Variants in SCAPER observed in about 807,000 individuals in gnomAD.
SCAPER encodes the protein S-phase cyclin A associated protein in the ER.
Under a neutral mutation model 182.2 loss-of-function variants are expected in SCAPER, and 98 were observed. That is an observed-to-expected ratio of 0.54 (90% confidence interval 0.46 to 0.64). The LOEUF (loss-of-function observed/expected upper bound fraction) is 0.64, where lower values mean the gene tolerates loss of function less well. Among genes scored for constraint, SCAPER ranks in the 30% least tolerant of loss-of-function variants. The pLI, the probability that SCAPER is intolerant of heterozygous loss-of-function variation, is 0.00. For synonymous variants in SCAPER, 605 were observed against 564.6 expected, an observed-to-expected ratio of 1.07 and a Z score of -1.01; for missense variants, 1,432 against 1,690.0, an observed-to-expected ratio of 0.85 and a Z score of 2.68.
chr15:76,595,188 G>A (rs1226959093), intron 22 of SCAPER, among the ~76,000 whole-genome samples: 1 of 121,488 alleles, frequency 8.2e-6, no homozygotes, highest in African/African-American at 2.5e-5. Context: ...CCTAGTCTCT[G>A]ATAAAACAGA....
At chr15:76,579,062 C>T (rs963479943) in intron 22 of SCAPER, among the ~76,000 whole-genome samples, 3 of 151,530 alleles carry the variant, frequency 2.0e-5, no homozygotes, top group Non-Finnish European at 4.4e-5. Context: ...GACAGGAGAT[C>T]GAGACAATCC....
At chr15:76,387,039 T>C (rs2043337335) in intron 27 of SCAPER, among the ~76,000 whole-genome samples, 1 of 152,150 alleles carries the variant, frequency 6.6e-6, no homozygotes, top group African/African-American at 2.4e-5. Flanking sequence ...GAAATAATGG[T>C]ATATGAATCA....
intron 21 of SCAPER, among the ~76,000 whole-genome samples, chr15:76,652,518 T>TACATACAC (rs139738135): frequency 4.5e-5 from 4 of 88,926 alleles, no homozygotes; most frequent in African/African-American, 1.8e-4. Flanking sequence ...TTTACATACA[T>TACATACAC]ACACACACAC....
At chr15:76,670,247 C>T (rs1485364554) in intron 20 of SCAPER, among the ~76,000 whole-genome samples, 1 of 151,700 alleles carries the variant, frequency 6.6e-6, no homozygotes, top group Non-Finnish European at 1.5e-5. Flanking sequence ...TATATTCTTC[C>T]AGACATTGTT....
At chr15:76,388,654 T>C (rs1295564657) in intron 27 of SCAPER, among the ~76,000 whole-genome samples, 1 of 152,062 alleles carries the variant, frequency 6.6e-6, no homozygotes, top group Admixed American at 6.6e-5. Flanking sequence ...CAGATGTAAA[T>C]CTACTTTGAA....
chr15:76,615,383 T>C lies in SCAPER; in HGVS notation c.2711+6381A>G, dbSNP rs148494912. 3.4e-3 allele frequency among the ~76,000 whole-genome samples: 508 copies of C among 151,462 alleles called. 5 individuals are homozygous for C. Among genetic ancestry groups the C allele is most frequent in the African/African-American group, 0.011 (471 of 41,248 alleles). On this transcript the variant is annotated intron_variant, in intron 22 of 31. Transcript: ENST00000563290. Reference sequence around the variant, plus strand: ...ATCCTTTGAACCCGGGAGGCAGAGATTGCAGTGAGCTGAGATCGCGCCACT... The same window carrying C: ...ATCCTTTGAACCCGGGAGGCAGAGACTGCAGTGAGCTGAGATCGCGCCACT...
chr15:76,846,596 A>G (rs1476255327), intron 4 of SCAPER, among the ~76,000 whole-genome samples: 1 of 152,176 alleles, frequency 6.6e-6, no homozygotes, highest in African/African-American at 2.4e-5. Context: ...GGCATATGAA[A>G]AGGTGCTCAG....
At chr15:76,448,515 G>C (rs925339506) in intron 25 of SCAPER, among the ~76,000 whole-genome samples, 3 of 152,128 alleles carry the variant, frequency 2.0e-5, no homozygotes, top group African/African-American at 7.2e-5. Context: ...TGAAGATGCT[G>C]ACTTGGGACC....
At chr15:76,871,185 G>A (rs774901731) in intron 2 of SCAPER, among the ~76,000 whole-genome samples, 22 of 151,932 alleles carry the variant, frequency 1.4e-4, no homozygotes, top group Non-Finnish European at 2.2e-4. Flanking sequence ...CAAGGCGGGC[G>A]GATCATGAGG....
chr15:76,529,886 G>T (rs1273263142), intron 23 of SCAPER, among the ~76,000 whole-genome samples: 3 of 152,166 alleles, frequency 2.0e-5, no homozygotes, highest in Non-Finnish European at 4.4e-5. Context: ...GTCACTGGAG[G>T]GTACTGAGTA....
intron 24 of SCAPER, among the ~76,000 whole-genome samples, chr15:76,481,669 T>A (rs533741795): frequency 6.6e-6 from 1 of 152,326 alleles, no homozygotes; most frequent in Admixed American, 6.5e-5. Context: ...CTTTTCCTCA[T>A]CCCAATTATA....
chr15:76,689,255 C>A (rs1188725862), intron 20 of SCAPER, among the ~76,000 whole-genome samples: 1 of 151,736 alleles, frequency 6.6e-6, no homozygotes, highest in East Asian at 1.9e-4. Flanking sequence ...CAAATAAAAA[C>A]AAATTAATCA....
rs2068261065 is a variant in SCAPER at position 76,829,325 on chromosome 15, G to C, written c.393+12409C>G. Among the ~76,000 whole-genome samples the C allele has an allele frequency of 4.6e-5, 7 of 152,228 alleles. No individual in the cohort carries two copies. The South Asian group carries it at 1.2e-3, about 27-fold the overall frequency. On this transcript the variant is annotated intron_variant, in intron 5 of 31. Coordinates refer to ENST00000563290, the MANE Select transcript of SCAPER (RefSeq NM_020843.4). ...TCAGGAAAGGTGGGAGGGGACACAA[G>C]AGATAAAAGACTACATAACACTATT...
At chr15:76,612,666 T>C (rs1392504898) in intron 22 of SCAPER, among the ~76,000 whole-genome samples, 3 of 151,994 alleles carry the variant, frequency 2.0e-5, no homozygotes, top group Non-Finnish European at 4.4e-5. Context: ...TAACTCCCAT[T>C]CCATACTGCC....
chr15:76,464,096 T>C (rs566640462), intron 25 of SCAPER, among the ~76,000 whole-genome samples: 1 of 149,188 alleles, frequency 6.7e-6, no homozygotes, highest in African/African-American at 2.5e-5. Context: ...TATATGCACA[T>C]TGTTGTAAAA....
At chr15:76,552,959 T>C (rs150316936) in intron 23 of SCAPER, among the ~76,000 whole-genome samples, 1 of 152,298 alleles carries the variant, frequency 6.6e-6, no homozygotes, top group Non-Finnish European at 1.5e-5. Context: ...ACCCTCATCA[T>C]AGCTCCTTTG....
chr15:76,845,651 T>G (rs2069992569), intron 4 of SCAPER, among the ~76,000 whole-genome samples: 1 of 151,534 alleles, frequency 6.6e-6, no homozygotes, highest in African/African-American at 2.4e-5. Context: ...ACCAAAGAAG[T>G]GAAACATCTC....
chr15:76,506,198 C>T (rs1315724379), intron 23 of SCAPER, among the ~76,000 whole-genome samples: 1 of 151,860 alleles, frequency 6.6e-6, no homozygotes, highest in East Asian at 1.9e-4. Context: ...CTTGATAGCC[C>T]AACAGCGTGA....
At chr15:76,369,888 T>C (rs924508854) in intron 29 of SCAPER, among the ~76,000 whole-genome samples, 1 of 152,170 alleles carries the variant, frequency 6.6e-6, no homozygotes, top group Non-Finnish European at 1.5e-5. Flanking sequence ...CAGCCTTTAG[T>C]GCATGTAAAT....
Sources: allele counts gnomAD v4.1 joint callset (sites outside exome capture counted in the v4.1 genomes callset), GRCh38; gene constraint gnomAD v4.1.1; transcripts MANE v1.5; gene names NCBI Gene and HGNC (gene_info 2026-07-23, HGNC 2026-07-21).